Variants in GAP43 observed in about 807,000 individuals in gnomAD.
GAP43 encodes growth associated protein 43, also known as neuromodulin.
A neutral mutation model predicts 18.6 loss-of-function variants in GAP43; 6 were observed. The ratio of observed to expected loss-of-function variants is 0.32; its 90% confidence interval spans 0.18 to 0.64. The LOEUF (loss-of-function observed/expected upper bound fraction) is 0.64, where lower values mean the gene tolerates loss of function less well. GAP43 is among the 30% of genes least tolerant of loss of function. The pLI is 0.78. For synonymous variants in GAP43, 115 were observed against 111.4 expected (o/e 1.03, Z -0.20); for missense variants, 292 against 295.5 (o/e 0.99, Z 0.09).
At position 115,721,359 on chromosome 3, in the gene GAP43, A is replaced by G. The variant is rs1220620654; in HGVS notation, c.*477A>G. ...ATGTGATGGAATGAACAAAAAGGAA[A>G]AAATTCAAAAAACCCAGTTTGTTTT... On this transcript the variant is annotated 3_prime_UTR_variant, in exon 3 of 3. Transcript: ENST00000305124. 1 of 152,256 alleles carries G rather than the reference A, an allele frequency of 6.6e-6. No individual in the cohort carries two copies. The highest frequency in any genetic ancestry group is 1.9e-4 in the East Asian group (1 of 5,202). The allele number at this position is 152,256 out of a possible 1,614,324, so 9.4% of individuals were successfully genotyped here.
intron 1 of GAP43, among the ~76,000 whole-genome samples, chr3:115,636,044 G>T (rs997029601): frequency 6.6e-6 from 1 of 151,978 alleles, no homozygotes; most frequent in Non-Finnish European, 1.5e-5. Flanking sequence ...GCTCAACCTG[G>T]ATATATAGTA....
At chr3:115,703,164 G>GTATATTAT (rs1398508681) in intron 2 of GAP43, among the ~76,000 whole-genome samples, 2 of 152,032 alleles carry the variant, frequency 1.3e-5, no homozygotes, top group African/African-American at 4.8e-5. Flanking sequence ...ATGAAATCAA[G>GTATATTAT]GAGAACACTG....
intron 1 of GAP43, among the ~76,000 whole-genome samples, chr3:115,641,620 C>T (rs1708398861): frequency 6.6e-6 from 1 of 151,632 alleles, no homozygotes; most frequent in East Asian, 1.9e-4. Flanking sequence ...TCACAAGGCA[C>T]TATGCAATGC....
chr3:115,705,995 C>G (rs1709358529), intron 2 of GAP43, among the ~76,000 whole-genome samples: 1 of 152,072 alleles, frequency 6.6e-6, no homozygotes, highest in Non-Finnish European at 1.5e-5. Context: ...ACTTCCTACC[C>G]CATTCTGATT....
rs188149497 is a variant in GAP43 at position 115,686,160 on chromosome 3, C to T, written c.628+9550C>T. 6.6e-3 allele frequency among the ~76,000 whole-genome samples: 1,000 copies of T among 152,352 alleles called. 9 individuals are homozygous for T. The highest frequency in any genetic ancestry group is 0.011 in the Non-Finnish European group (739 of 68,038). ...AGCAGCCAACGTTAGTCAGCTCCAG[C>T]ATACCCCAGATCATTATATTTTAGC... On this transcript the variant is annotated intron_variant, in intron 2 of 2. Coordinates refer to ENST00000305124, the MANE Select transcript of GAP43 (RefSeq NM_002045.4).
chr3:115,703,830 A>ATTGT (rs1264371818), intron 2 of GAP43, among the ~76,000 whole-genome samples: 1 of 152,110 alleles, frequency 6.6e-6, no homozygotes, highest in African/African-American at 2.4e-5. Context: ...TTAACTGTTT[A>ATTGT]TTGTTATAGT....
intron 1 of GAP43, among the ~76,000 whole-genome samples, chr3:115,636,951 T>C (rs1309818791): frequency 6.6e-6 from 1 of 152,140 alleles, no homozygotes; most frequent in Non-Finnish European, 1.5e-5. Flanking sequence ...TTGGATATTC[T>C]GTCCCACCCA....
chr3:115,720,590 T>C (rs979312170), intron 2 of GAP43, among the ~76,000 whole-genome samples: 1 of 152,190 alleles, frequency 6.6e-6, no homozygotes, highest in Non-Finnish European at 1.5e-5. Flanking sequence ...AGTTCTTCCA[T>C]AGGTGCCACT....
intron 2 of GAP43, among the ~76,000 whole-genome samples, chr3:115,680,690 C>G (rs1708949539): frequency 6.6e-6 from 1 of 152,102 alleles, no homozygotes; most frequent in Non-Finnish European, 1.5e-5. Flanking sequence ...CTGCTGCTTA[C>G]TATAAAAACG....
At chr3:115,663,855 T>C in intron 1 of GAP43, 4 of 1,552,116 alleles carry the variant, frequency 2.6e-6, no homozygotes, top group Non-Finnish European at 3.5e-6. Context: ...AGGAAAAATC[T>C]TCAGAGAGCA....
intron 2 of GAP43, among the ~76,000 whole-genome samples, chr3:115,679,855 A>G (rs1708938521): frequency 6.6e-6 from 1 of 152,192 alleles, no homozygotes; most frequent in Non-Finnish European, 1.5e-5. Context: ...TTGGAAGTGT[A>G]GCTCTGAGTG....
intron 1 of GAP43, among the ~76,000 whole-genome samples, chr3:115,663,332 G>A (rs950018993): frequency 2.0e-5 from 3 of 152,186 alleles, no homozygotes; most frequent in Admixed American, 2.0e-4. Context: ...GGAATAAATC[G>A]CAGAACCTTC....
chr3:115,645,619 A>C (rs200313324), intron 1 of GAP43, among the ~76,000 whole-genome samples: 1 of 147,944 alleles, frequency 6.8e-6, no homozygotes, highest in Non-Finnish European at 1.5e-5. Context: ...TGGAAAAAAA[A>C]CCCAAAAATG....
chr3:115,701,607 C>A (rs1709298277), intron 2 of GAP43, among the ~76,000 whole-genome samples: 1 of 151,986 alleles, frequency 6.6e-6, no homozygotes, highest in Non-Finnish European at 1.5e-5. Flanking sequence ...TAATCTTGTT[C>A]TTGGACCTAT....
At chr3:115,719,825 A>G (rs1559809904) in intron 2 of GAP43, among the ~76,000 whole-genome samples, 2 of 152,176 alleles carry the variant, frequency 1.3e-5, no homozygotes, top group African/African-American at 4.8e-5. Context: ...CAGGGAGTTG[A>G]TTGTTTGGCA....
chr3:115,703,569 T>C (rs1378743342), intron 2 of GAP43, among the ~76,000 whole-genome samples: 1 of 152,126 alleles, frequency 6.6e-6, no homozygotes, highest in Non-Finnish European at 1.5e-5. Context: ...CTCTTTCTAC[T>C]CTGAAGTTTC....
chr3:115,675,973 T>G, intron 1 of GAP43, 40 bp from the exon 2 acceptor site: 3 of 1,549,214 alleles, frequency 1.9e-6, no homozygotes, highest in African/African-American at 1.4e-5. Context: ...GAGAAGAATG[T>G]CATTGAAGCC....
At chr3:115,716,344 T>C (rs1709501855) in intron 2 of GAP43, among the ~76,000 whole-genome samples, 1 of 152,146 alleles carries the variant, frequency 6.6e-6, no homozygotes, top group South Asian at 2.1e-4. Flanking sequence ...AGTTCTGCTT[T>C]GTCAGAGGTT....
In GAP43 at chr3:115,668,110, C is replaced by T. The variant is rs556971689; in HGVS notation, c.31-7903C>T. Among the ~76,000 whole-genome samples the T allele has an allele frequency of 3.3e-5, 5 of 152,312 alleles. No homozygotes were observed. The East Asian group carries it at 7.7e-4, about 24-fold the overall frequency. On this transcript the variant is annotated intron_variant, in intron 1 of 2. Transcript: ENST00000305124. ...TTCCCATAGGTATTTTCCTGAGTCT[C>T]AGTGATTTTGACCCTTGATTCAGTT...
Sources: allele counts gnomAD v4.1 joint callset (sites outside exome capture counted in the v4.1 genomes callset), GRCh38; gene constraint gnomAD v4.1.1; transcripts MANE v1.5; gene names NCBI Gene and HGNC (gene_info 2026-07-23, HGNC 2026-07-21).